Variants in ZYG11A observed in about 807,000 individuals in gnomAD.
ZYG11A encodes protein zyg-11 homolog A.
A neutral mutation model predicts 77.2 loss-of-function variants in ZYG11A; 62 were observed. The ratio of observed to expected loss-of-function variants is 0.80; its 90% CI spans 0.65 to 0.99. The LOEUF is 0.99. ZYG11A is among the 50% of genes least tolerant of loss of function. The probability of loss-of-function intolerance (pLI) is 0.00; values close to 1 mark genes in which losing one functional copy is unlikely to be tolerated. For synonymous variants in ZYG11A, 315 were observed against 324.6 expected (o/e 0.97, Z 0.32); for missense variants, 828 against 896.8 (o/e 0.92, Z 0.98).
intron 1 of ZYG11A, among the ~76,000 whole-genome samples, chr1:52,845,702 A>AT (rs1048990589): frequency 6.2e-5 from 9 of 144,762 alleles, no homozygotes; most frequent in Non-Finnish European, 1.2e-4. Flanking sequence ...TTAAAAATGT[A>AT]TTTTTTAAAT....
In ZYG11A at chr1:52,881,568, T is replaced by A. The variant is rs1248099816; in HGVS notation, c.1847T>A (p.Val616Asp). The A allele has an allele frequency of 4.5e-6, 7 of 1,552,050 alleles. No homozygotes were observed. The highest frequency in any genetic ancestry group is 6.1e-6 in the Non-Finnish European group (7 of 1,147,080). ...TTACTCTGTAGCAGGGAAATGGAAG[T>A]CAGCTATTTTGCTGCAGGTATCATA... is the stretch of plus-strand genomic sequence containing the variant. ...NSLLCSREME[V>D]SYFAAGIIAH... is the part of the protein sequence containing the mutation. The change falls in exon 11 of 14, where the codon GTC becomes GAC. Residue 616 changes from valine (V) to aspartate (D), a missense_variant. Coordinates refer to ENST00000371528, the MANE Select transcript of ZYG11A (RefSeq NM_001004339.3).
intron 12 of ZYG11A, 51 bp from the exon 13 acceptor site, chr1:52,886,905 C>G: frequency 1.2e-6 from 1 of 841,760 alleles, no homozygotes. Flanking sequence ...TATCCCTGAG[C>G]ACTGGCCTAA....
chr1:52,855,092 G>C (rs567127441), intron 2 of ZYG11A, among the ~76,000 whole-genome samples: 1 of 151,724 alleles, frequency 6.6e-6, no homozygotes, highest in Non-Finnish European at 1.5e-5. Flanking sequence ...GAACTCCTGA[G>C]TTCAGATGAT....
intron 10 of ZYG11A, among the ~76,000 whole-genome samples, chr1:52,881,040 T>C (rs1192735332): frequency 1.3e-5 from 2 of 152,224 alleles, no homozygotes; most frequent in Non-Finnish European, 2.9e-5. Flanking sequence ...ACTTTCATTG[T>C]TGTTGTTAAA....
chr1:52,864,294 G>A (rs1645982898), intron 5 of ZYG11A, 137 bp downstream of exon 5: 6 of 845,414 alleles, frequency 7.1e-6, no homozygotes, highest in South Asian at 5.4e-5. Flanking sequence ...CGCCCAGGCT[G>A]GAGTGCGGTG....
chr1:52,843,779 G>C (rs1032728931), intron 1 of ZYG11A, among the ~76,000 whole-genome samples: 1 of 148,234 alleles, frequency 6.7e-6, no homozygotes, highest in East Asian at 2.0e-4. Context: ...CTCCGCCTCC[G>C]GGGTTCAAGC....
intron 4 of ZYG11A, among the ~76,000 whole-genome samples, chr1:52,863,411 G>GA (rs1201090290): frequency 1.3e-5 from 2 of 151,748 alleles, no homozygotes; most frequent in Admixed American, 6.6e-5. Flanking sequence ...TTTCCCCTAG[G>GA]AATACCCTGT....
chr1:52,857,330 G>A lies in ZYG11A; in HGVS notation c.589G>A (p.Asp197Asn), dbSNP rs1557433863. ...TTTTAATGTTTGTTTTCATACTGAA[G>A]ACCTGGCTAATGTTTCTCAGTTACC... ...SVFNVCFHTEDLANVSQLPRL... is the reference protein window; with the variant it reads ...SVFNVCFHTENLANVSQLPRL... The change falls in exon 3 of 14, where the codon GAC (aspartate) becomes AAC (asparagine). Residue 197 changes from aspartate (D) to asparagine (N), a missense_variant. Asp to Asn is a conservative substitution (Grantham distance 23). Transcript: ENST00000371528. 1 of 1,551,842 alleles carries A rather than the reference G, an allele frequency of 6.4e-7. No individual in the cohort carries two copies. Among genetic ancestry groups the A allele is most frequent in the East Asian group, 2.4e-5 (1 of 40,930 alleles).
intron 1 of ZYG11A, among the ~76,000 whole-genome samples, chr1:52,849,073 CTTTTTT>C (rs982629851): frequency 6.6e-6 from 1 of 150,642 alleles, no homozygotes. Context: ...ACTTCTTTTT[CTTTTTT>C]TTTGAGACCG....
intron 2 of ZYG11A, among the ~76,000 whole-genome samples, chr1:52,855,382 G>A (rs1645791564): frequency 6.6e-6 from 1 of 151,966 alleles, no homozygotes; most frequent in African/African-American, 2.4e-5. Flanking sequence ...TAGAGATGGG[G>A]TTTCACCATG....
Position 52,860,756 on chromosome 1 carries a change from A to G in ZYG11A, c.1034A>G (p.Gln345Arg). The change falls in exon 4 of 14, where the codon CAG (glutamine) becomes CGG (arginine). Residue 345 changes from glutamine (Q) to arginine (R), a missense_variant. Gln to Arg is a conservative substitution (Grantham distance 43). Coordinates refer to ENST00000371528, the MANE Select transcript of ZYG11A (RefSeq NM_001004339.3). ...GTTGCTGGAGGAGCCAGTATGAGTC[A>G]GATTTCAGAAGCACTGAGCCGATAC... ...LRVAGGASMS[Q>R]ISEALSRYRN... 6.4e-7 allele frequency: 1 copy of G among 1,551,716 alleles called. No individual in the cohort carries two copies. The highest frequency in any genetic ancestry group is 8.7e-7 in the Non-Finnish European group (1 of 1,146,982).
chr1:52,878,085 T>C (rs1646294361), intron 10 of ZYG11A, 116 bp downstream of exon 10: 1 of 834,534 alleles, frequency 1.2e-6, no homozygotes, highest in Non-Finnish European at 1.9e-6. Context: ...TAAACTCATT[T>C]AATCTTTACA....
intron 2 of ZYG11A, 66 bp from the exon 3 acceptor site, chr1:52,856,932 C>T: frequency 6.9e-7 from 1 of 1,443,082 alleles, no homozygotes; most frequent in Non-Finnish European, 9.2e-7. Flanking sequence ...AATTCTTTGC[C>T]ACATTTTATC....
intron 1 of ZYG11A, among the ~76,000 whole-genome samples, chr1:52,850,215 A>G (rs535681404): frequency 1.5e-3 from 230 of 152,058 alleles, no homozygotes; most frequent in African/African-American, 5.3e-3. Context: ...CAGTGGCACA[A>G]TCTCAGCTCA....
At chr1:52,876,387 T>C (rs867602358) in intron 8 of ZYG11A, among the ~76,000 whole-genome samples, 1 of 152,032 alleles carries the variant, frequency 6.6e-6, no homozygotes, top group Middle Eastern at 3.2e-3. Flanking sequence ...GAACATAAAG[T>C]TGCTGGGAGG....
rs1646575592 is a variant in ZYG11A, at chr1:52,893,301, T to C, written c.*344T>C. The C allele has an allele frequency of 1.0e-5, 2 of 192,696 alleles. No individual in the cohort carries two copies. The highest frequency in any genetic ancestry group is 2.5e-4 in the South Asian group (2 of 8,014). 11.9% of individuals were successfully genotyped at this position (192,696 alleles called of 1,614,324 possible). On this transcript the variant is annotated 3_prime_UTR_variant, in exon 14 of 14. Coordinates refer to ENST00000371528, the MANE Select transcript of ZYG11A (RefSeq NM_001004339.3). ...TGTCATGGGAGTGGGACCTGTTCAC[T>C]AGAAGAGAAAGGAAACCTACAGGGA...
At chr1:52,843,622 G>A (rs1047166511) in intron 1 of ZYG11A, among the ~76,000 whole-genome samples, 8 of 151,938 alleles carry the variant, frequency 5.3e-5, no homozygotes, top group Non-Finnish European at 1.0e-4. Context: ...TGGACAAAAT[G>A]CAAACCCAAA....
chr1:52,848,102 C>G (rs1194005066), intron 1 of ZYG11A, among the ~76,000 whole-genome samples: 1 of 152,140 alleles, frequency 6.6e-6, no homozygotes, highest in Non-Finnish European at 1.5e-5. Context: ...ATCTCCTGAC[C>G]TCGTGATCCG....
intron 6 of ZYG11A, among the ~76,000 whole-genome samples, chr1:52,866,926 A>G (rs554999027): frequency 6.6e-6 from 1 of 152,314 alleles, no homozygotes; most frequent in Non-Finnish European, 1.5e-5. Context: ...ATTATAAAGA[A>G]TATTAGTAAT....
Sources: gnomAD v4.1 joint callset for allele counts (sites outside exome capture counted in the v4.1 genomes callset) on GRCh38, gnomAD v4.1.1 for gene constraint, MANE v1.5 for transcripts, NCBI Gene and HGNC (gene_info 2026-07-23, HGNC 2026-07-21) for gene names.